Variants in DPY19L4 observed in about 807,000 individuals in gnomAD.
DPY19L4 encodes the protein probable C-mannosyltransferase DPY19L4.
Under a neutral mutation model 102.8 loss-of-function variants are expected in DPY19L4, and 97 were observed. The ratio of observed to expected loss-of-function variants is 0.94; its 90% CI spans 0.80 to 1.12. The LOEUF (loss-of-function observed/expected upper bound fraction) is 1.12. Ranked by LOEUF, DPY19L4 falls within the 50% of genes most tolerant of loss-of-function variation. The pLI, the probability that DPY19L4 is intolerant of heterozygous loss-of-function variation, is 0.00. For synonymous variants in DPY19L4, 252 were observed against 283.1 expected (o/e 0.89, Z 1.10); for missense variants, 815 against 850.4 (o/e 0.96, Z 0.52).
chr8:94,788,071 A>G lies in DPY19L4; in HGVS notation c.2007+19A>G. On this transcript the variant is annotated intron_variant, in intron 18 of 18. Transcript: ENST00000414645. ...TGGCCACGTAAGTAACCATTTGGAAAGTTATATATATGTATATATATATAT... is the reference window on the plus strand; with the variant it reads ...TGGCCACGTAAGTAACCATTTGGAAGGTTATATATATGTATATATATATAT... The G allele has an allele frequency of 1.5e-6, 2 of 1,324,578 alleles. No homozygotes were observed. Among genetic ancestry groups the G allele is most frequent in the Non-Finnish European group, 2.0e-6 (2 of 1,017,988 alleles). 82.1% of individuals were successfully genotyped at this position (1,324,578 alleles called of 1,614,324 possible).
At chr8:94,769,134 T>C (rs1197295959) in intron 12 of DPY19L4, among the ~76,000 whole-genome samples, 2 of 140,636 alleles carry the variant, frequency 1.4e-5, no homozygotes, top group Admixed American at 7.3e-5. Flanking sequence ...CGATCTCGGC[T>C]CACCACAACC....
chr8:94,723,770 G>GT (rs1191243070), intron 1 of DPY19L4, among the ~76,000 whole-genome samples: 17 of 152,020 alleles, frequency 1.1e-4, no homozygotes, highest in East Asian at 5.8e-4. Flanking sequence ...TGACAGTGTG[G>GT]TTTTTTTTCC....
intron 5 of DPY19L4, 40 bp downstream of exon 5, chr8:94,739,574 T>C (rs749311343): frequency 2.5e-6 from 4 of 1,598,694 alleles, no homozygotes; most frequent in East Asian, 4.5e-5. Context: ...TATTTTCTCA[T>C]GTATTCATGA....
At chr8:94,780,322 G>T (rs1813372600) in intron 14 of DPY19L4, 37 bp from the exon 15 acceptor site, 1 of 1,409,648 alleles carries the variant, frequency 7.1e-7, no homozygotes, top group Non-Finnish European at 9.5e-7. Flanking sequence ...GTTCTGAAAT[G>T]TATTTATTTG....
intron 8 of DPY19L4, among the ~76,000 whole-genome samples, chr8:94,763,538 T>A (rs1812494630): frequency 7.0e-6 from 1 of 142,108 alleles, no homozygotes; most frequent in South Asian, 2.2e-4. Flanking sequence ...TTTCTTTTTT[T>A]GAGACAGAGT....
chr8:94,778,718 T>C (rs746350803), intron 14 of DPY19L4, among the ~76,000 whole-genome samples: 1 of 152,020 alleles, frequency 6.6e-6, no homozygotes, highest in Non-Finnish European at 1.5e-5. Context: ...CAATCTGAGA[T>C]TGGAAATATA....
At chr8:94,727,199 A>C (rs991409079) in intron 2 of DPY19L4, among the ~76,000 whole-genome samples, 4 of 152,192 alleles carry the variant, frequency 2.6e-5, no homozygotes, top group Admixed American at 1.3e-4. Flanking sequence ...AAGTTTCAGA[A>C]TGAAGTTGTA....
chr8:94,753,819 G>A (rs905800986), intron 6 of DPY19L4, among the ~76,000 whole-genome samples: 12 of 152,280 alleles, frequency 7.9e-5, no homozygotes, highest in African/African-American at 2.9e-4. Context: ...ATTGTAGTGA[G>A]CTGAGATTGC....
At chr8:94,742,086 C>T (rs1416888420) in intron 6 of DPY19L4, among the ~76,000 whole-genome samples, 3 of 152,138 alleles carry the variant, frequency 2.0e-5, no homozygotes, top group Non-Finnish European at 2.9e-5. Flanking sequence ...TGGCCGGGTG[C>T]GGTGGCTCAC....
At chr8:94,746,298 C>T (rs899644601) in intron 6 of DPY19L4, among the ~76,000 whole-genome samples, 10 of 142,356 alleles carry the variant, frequency 7.0e-5, no homozygotes, top group African/African-American at 2.1e-4. Flanking sequence ...TGAACTTAGG[C>T]GATTCACCTG....
intron 13 of DPY19L4, among the ~76,000 whole-genome samples, chr8:94,772,797 T>G (rs188390010): frequency 6.6e-6 from 1 of 152,364 alleles, no homozygotes; most frequent in Admixed American, 6.5e-5. Context: ...CAAATGAAGA[T>G]GCTCTTATCA....
rs897063428 is a variant in DPY19L4, at chr8:94,759,798, C to T, written c.736-1902C>T. Among the ~76,000 whole-genome samples the T allele has an allele frequency of 2.0e-5, 3 of 152,048 alleles. 1 individual carries two copies. Among genetic ancestry groups the T allele is most frequent in the African/African-American group, 7.2e-5 (3 of 41,412 alleles). On this transcript the variant is annotated intron_variant, in intron 7 of 18. Coordinates refer to ENST00000414645, the MANE Select transcript of DPY19L4 (RefSeq NM_181787.3). ...GATTACAGGTGTGAGCCACTGTGCC[C>T]GGCCCATGTACTTTTTTAAAATCAC...
At chr8:94,729,692 G>A (rs1018573277) in intron 2 of DPY19L4, among the ~76,000 whole-genome samples, 1 of 149,388 alleles carries the variant, frequency 6.7e-6, no homozygotes, top group African/African-American at 2.5e-5. Context: ...AGCTGAGAAT[G>A]TGGTGGTTCA....
chr8:94,752,469 C>T, intron 6 of DPY19L4, among the ~76,000 whole-genome samples: 1 of 150,386 alleles, frequency 6.6e-6, no homozygotes, highest in Non-Finnish European at 1.5e-5. Context: ...GCCTGTAGTC[C>T]CAGCTACTCA....
At chr8:94,780,515 T>C in intron 15 of DPY19L4, 100 bp downstream of exon 15, 1 of 738,042 alleles carries the variant, frequency 1.4e-6, no homozygotes, top group Non-Finnish European at 1.9e-6. Context: ...GACACTATCC[T>C]AACAAAATAA....
chr8:94,769,125 G>C (rs1160312021), intron 12 of DPY19L4, among the ~76,000 whole-genome samples: 11 of 140,362 alleles, frequency 7.8e-5, no homozygotes, highest in Non-Finnish European at 1.1e-4. Context: ...GCAGTGGCAC[G>C]ATCTCGGCTC....
chr8:94,776,221 A>G (rs1468700510), intron 13 of DPY19L4, among the ~76,000 whole-genome samples: 9 of 151,540 alleles, frequency 5.9e-5, no homozygotes, highest in Non-Finnish European at 1.2e-4. Context: ...TTTAATAGAG[A>G]CGGGGTTTCA....
At chr8:94,730,775 C>T (rs1459242302) in intron 2 of DPY19L4, among the ~76,000 whole-genome samples, 12 of 115,126 alleles carry the variant, frequency 1.0e-4, no homozygotes, top group South Asian at 6.6e-4. Context: ...GACGGAGTTT[C>T]GCTCTTGTTG....
intron 13 of DPY19L4, among the ~76,000 whole-genome samples, chr8:94,773,470 C>T (rs1008324463): frequency 1.1e-4 from 16 of 151,106 alleles, no homozygotes; most frequent in African/African-American, 1.5e-4. Flanking sequence ...GAGTCTTTGT[C>T]GCCCAGGCTG....
Sources: allele counts gnomAD v4.1 joint callset (sites outside exome capture counted in the v4.1 genomes callset), GRCh38; gene constraint gnomAD v4.1.1; transcripts MANE v1.5; gene names NCBI Gene and HGNC (gene_info 2026-07-23, HGNC 2026-07-21).